Variants in PAX7 observed in about 807,000 individuals in gnomAD.
The protein encoded by PAX7 is paired box protein Pax-7.
In PAX7, 18 loss-of-function variants were observed where a neutral mutation model predicts 50.7. That is an observed-to-expected ratio of 0.36 (90% CI 0.25 to 0.53). PAX7 has a LOEUF of 0.53. PAX7 is among the 20% of genes least tolerant of loss of function. The pLI, the probability that PAX7 is intolerant of heterozygous loss-of-function variation, is 0.93. For synonymous variants in PAX7, 310 were observed against 290.4 expected (o/e 1.07, Z -0.69); for missense variants, 644 against 702.9 (o/e 0.92, Z 0.95).
intron 4 of PAX7, among the ~76,000 whole-genome samples, chr1:18,647,027 G>A (rs2088353357): frequency 7.1e-6 from 1 of 141,458 alleles, no homozygotes; most frequent in Non-Finnish European, 1.6e-5. Flanking sequence ...GTGGGGTGGG[G>A]GAAGGGCTGG....
chr1:18,746,004 C>T lies in PAX7; in HGVS notation c.*1075C>T. The T allele has an allele frequency of 4.3e-6, 1 of 230,940 alleles. No individual in the cohort carries two copies. The highest frequency in any genetic ancestry group is 8.6e-6 in the Non-Finnish European group (1 of 116,616). 14.3% of individuals were successfully genotyped at this position (230,940 alleles called of 1,614,324 possible). On this transcript the variant is annotated 3_prime_UTR_variant, in exon 9 of 9. Transcript: ENST00000420770. ...TTGCCCAAAGCCTTCCGCAGAGGCC[C>T]GAGCCCATCCTTACCATGCCCCATC...
intron 7 of PAX7, among the ~76,000 whole-genome samples, chr1:18,708,536 CAG>C (rs1452105328): frequency 6.6e-6 from 1 of 152,022 alleles, no homozygotes; most frequent in Admixed American, 6.6e-5. Context: ...GCCTAGGCGA[CAG>C]AGAGAGACCC....
chr1:18,631,388 C>A lies in PAX7; in HGVS notation c.-216C>A. On this transcript the variant is annotated 5_prime_UTR_variant, in exon 1 of 9. Coordinates refer to ENST00000420770, the MANE Select transcript of PAX7 (RefSeq NM_001135254.2). ...CGTCGCCACCTTCCCTCCCCCCAAC[C>A]TCCACCCCACCTCACCCCCCTCCCC... 1 of 564,974 alleles carries A rather than the reference C, an allele frequency of 1.8e-6. No individual in the cohort carries two copies. The highest frequency in any genetic ancestry group is 3.2e-6 in the Non-Finnish European group (1 of 313,852). The allele number at this position is 564,974 out of a possible 1,614,324, so 35.0% of individuals were successfully genotyped here. A position where few individuals can be genotyped will look rare whatever the true frequency, so the allele number is the denominator to read the frequency against.
At chr1:18,727,381 C>T (rs965949107) in intron 7 of PAX7, among the ~76,000 whole-genome samples, 2,595 of 141,408 alleles carry the variant, frequency 0.018, 32 homozygotes, top group African/African-American at 0.029. Flanking sequence ...TACACACACA[C>T]ACACACACAC....
At position 18,634,182 on chromosome 1, in the gene PAX7, A is replaced by T; in HGVS notation, c.86-121A>T. The stretch of plus-strand genomic sequence containing the variant: ...AAGCCCCAGTGTGAGGACCACCGGG[A>T]TTGCTGTCTGAGGTCTTGGGGCTCA... On this transcript the variant is annotated intron_variant, in intron 1 of 8. Coordinates refer to ENST00000420770, the MANE Select transcript of PAX7 (RefSeq NM_001135254.2). The surrounding 1 kb of genome is among the most constrained non-coding windows in gnomAD (Gnocchi z 4.0). 1.4e-6 allele frequency: 1 copy of T among 706,904 alleles called. No homozygotes were observed. Among genetic ancestry groups the T allele is most frequent in the Non-Finnish European group, 2.4e-6 (1 of 417,198 alleles). The allele number at this position is 706,904 out of a possible 1,614,324, so 43.8% of individuals were successfully genotyped here.
At chr1:18,691,571 C>G (rs2089070660) in intron 4 of PAX7, among the ~76,000 whole-genome samples, 183 bp from the exon 5 acceptor site, 1 of 152,208 alleles carries the variant, frequency 6.6e-6, no homozygotes, top group Non-Finnish European at 1.5e-5. Context: ...GCTTCCCATC[C>G]TTCACATTGA....
intron 7 of PAX7, among the ~76,000 whole-genome samples, chr1:18,715,586 G>T (rs775720779): frequency 1.3e-5 from 2 of 152,232 alleles, no homozygotes; most frequent in Admixed American, 1.3e-4. Context: ...GAGAGCAGGG[G>T]GGTCAAGATG....
At chr1:18,716,866 C>T (rs1035819050) in intron 7 of PAX7, among the ~76,000 whole-genome samples, 6 of 151,464 alleles carry the variant, frequency 4.0e-5, no homozygotes, top group Admixed American at 1.3e-4. Flanking sequence ...TGCCCTCTCC[C>T]CCACCCCCGT....
chr1:18,675,179 A>T (rs1411913597), intron 4 of PAX7, among the ~76,000 whole-genome samples: 1 of 152,054 alleles, frequency 6.6e-6, no homozygotes, highest in Non-Finnish European at 1.5e-5. Context: ...GTGCACGATG[A>T]CTTCCTGGGA....
chr1:18,692,036 A>T (rs2089079144), intron 5 of PAX7, 83 bp downstream of exon 5: 3 of 1,328,586 alleles, frequency 2.3e-6, no homozygotes, highest in African/African-American at 1.5e-5. Context: ...AGTGGGTTTA[A>T]TGGGACCCCT....
intron 4 of PAX7, among the ~76,000 whole-genome samples, chr1:18,643,378 A>G (rs2088288097): frequency 6.6e-6 from 1 of 152,250 alleles, no homozygotes; most frequent in Non-Finnish European, 1.5e-5. Flanking sequence ...GGGGAGAGGC[A>G]GCGGAGACAG....
At chr1:18,718,512 G>T (rs773723901) in intron 7 of PAX7, among the ~76,000 whole-genome samples, 3 of 152,148 alleles carry the variant, frequency 2.0e-5, no homozygotes, top group Non-Finnish European at 4.4e-5. Flanking sequence ...CACATCCAAA[G>T]CATGGATTAG....
intron 5 of PAX7, among the ~76,000 whole-genome samples, chr1:18,692,558 A>G (rs1303975052): frequency 6.6e-6 from 1 of 152,050 alleles, no homozygotes; most frequent in African/African-American, 2.4e-5. Flanking sequence ...AGAAAGAAAG[A>G]AAGAAGGGAG....
chr1:18,685,599 G>T (rs2088962868), intron 4 of PAX7, among the ~76,000 whole-genome samples: 1 of 152,204 alleles, frequency 6.6e-6, no homozygotes, highest in African/African-American at 2.4e-5. Context: ...CAGGAAGAGG[G>T]AAGGCACTCT....
At chr1:18,694,667 A>G (rs2089128476) in intron 5 of PAX7, among the ~76,000 whole-genome samples, 1 of 152,138 alleles carries the variant, frequency 6.6e-6, no homozygotes, top group South Asian at 2.1e-4. Flanking sequence ...CTCAGGACTG[A>G]GAGCTCAGGG....
At chr1:18,642,067 T>C (rs1185377104) in intron 4 of PAX7, among the ~76,000 whole-genome samples, 1 of 148,106 alleles carries the variant, frequency 6.8e-6, no homozygotes, top group East Asian at 2.0e-4. Flanking sequence ...AGCAGTAAGG[T>C]GATTATTTGG....
At chr1:18,725,276 T>C (rs1365992996) in intron 7 of PAX7, among the ~76,000 whole-genome samples, 1 of 145,316 alleles carries the variant, frequency 6.9e-6, no homozygotes, top group Admixed American at 6.9e-5. Context: ...TGCATCCTCG[T>C]CTCCACCAAT....
chr1:18,740,466 G>C (rs192610937), intron 8 of PAX7, among the ~76,000 whole-genome samples: 1 of 152,158 alleles, frequency 6.6e-6, no homozygotes, highest in East Asian at 1.9e-4. Context: ...CTGGGCCAGC[G>C]ACCTCTCCGT....
intron 4 of PAX7, among the ~76,000 whole-genome samples, chr1:18,651,701 C>A (rs1424938777): frequency 6.6e-6 from 1 of 152,078 alleles, no homozygotes; most frequent in Non-Finnish European, 1.5e-5. Flanking sequence ...TCAGGGTCCC[C>A]CAAAGGTTAA....
Sources: gnomAD v4.1 joint callset for allele counts (sites outside exome capture counted in the v4.1 genomes callset) on GRCh38, gnomAD v4.1.1 for gene constraint, Gnocchi (gnomAD v3.1) non-coding constraint, MANE v1.5 for transcripts, NCBI Gene and HGNC (gene_info 2026-07-23, HGNC 2026-07-21) for gene names.